Variants in GSE1 observed in about 807,000 individuals in gnomAD.
GSE1 encodes Gse1 coiled-coil protein, also known as genetic suppressor element 1.
Under a neutral mutation model 112.6 loss-of-function variants are expected in GSE1, and 32 were observed. The ratio of observed to expected loss-of-function variants is 0.28; its 90% CI spans 0.21 to 0.38. GSE1 has a LOEUF of 0.38. Ranked by LOEUF, GSE1 falls within the 10% of genes least tolerant of loss-of-function variation. The pLI is 1.00. For missense variants in GSE1, 2,348 were observed against 1,699.2 expected (o/e 1.38, Z -6.71); for synonymous variants, 1,115 against 735.6 (o/e 1.52, Z -8.35).
chr16:85,450,167 G>T (rs1019744262), intron 2 of GSE1, among the ~76,000 whole-genome samples: 1 of 117,120 alleles, frequency 8.5e-6, no homozygotes, highest in Non-Finnish European at 1.6e-5. Flanking sequence ...TGTCGCCCAG[G>T]TTGGAGTGCA....
intron 1 of GSE1, among the ~76,000 whole-genome samples, chr16:85,186,708 T>C (rs1401014734): frequency 2.6e-5 from 4 of 151,944 alleles, no homozygotes; most frequent in African/African-American, 9.7e-5. Flanking sequence ...GAGGCTGCAG[T>C]GAGCTATGAT....
intron 1 of GSE1, among the ~76,000 whole-genome samples, chr16:85,295,307 G>A (rs546618041): frequency 6.0e-4 from 92 of 152,212 alleles, no homozygotes; most frequent in African/African-American, 2.0e-3. Context: ...TCTCTCACTC[G>A]GGACCAGCCT....
chr16:85,631,914 C>T (rs2049568969), intron 1 of GSE1, among the ~76,000 whole-genome samples: 1 of 152,270 alleles, frequency 6.6e-6, no homozygotes, highest in Admixed American at 6.5e-5. Context: ...GCACTGATGG[C>T]AGCCCGGTGC....
chr16:85,379,544 C>T (rs981880633), intron 2 of GSE1, among the ~76,000 whole-genome samples: 2 of 152,216 alleles, frequency 1.3e-5, no homozygotes, highest in African/African-American at 4.8e-5. Context: ...GTGAGCACAG[C>T]TCAGGTCTCC....
intron 1 of GSE1, among the ~76,000 whole-genome samples, chr16:85,342,762 G>T (rs564742152): frequency 6.6e-6 from 1 of 152,150 alleles, no homozygotes; most frequent in Admixed American, 6.5e-5. Flanking sequence ...CCCCAGCCCG[G>T]GACATCAGAG....
chr16:85,357,660 T>C, intron 2 of GSE1: 1 of 1,285,004 alleles, frequency 7.8e-7, no homozygotes, highest in Non-Finnish European at 1.0e-6. Flanking sequence ...GCCAGCTCTT[T>C]TTGTATCTCT....
intron 5 of GSE1, 113 bp downstream of exon 5, chr16:85,655,104 G>A (rs1035136148): frequency 1.4e-6 from 1 of 732,992 alleles, no homozygotes; most frequent in Non-Finnish European, 2.4e-6. Flanking sequence ...CTAGGGGAGG[G>A]TCTAGAGTAG....
At chr16:85,175,247 G>T (rs879361041) in intron 1 of GSE1, among the ~76,000 whole-genome samples, 6 of 152,208 alleles carry the variant, frequency 3.9e-5, no homozygotes, top group Non-Finnish European at 5.9e-5. Context: ...ATGCTCTGCA[G>T]GCACCTGACT....
rs568776401 is a variant in GSE1, at chr16:85,499,295, C to CTTTT, written c.2465-134589_2465-134586dup. ...GTCAGAGAGAAGGCAGGAAAGTCAC[C>CTTTT]TTTTTTTTTTTTTTTTTTTTTTTTT... On this transcript the variant is annotated intron_variant, in intron 2 of 2. Transcript: ENST00000637419. Among the ~76,000 whole-genome samples, 56 of 77,190 alleles carry CTTTT rather than the reference C, an allele frequency of 7.3e-4. 2 individuals carry two copies. Among genetic ancestry groups the CTTTT allele is most frequent in the African/African-American group, 2.5e-3 (48 of 19,504 alleles). The allele number at this position is 77,190 out of a possible 152,430, so 50.6% of individuals were successfully genotyped here.
At chr16:85,600,180 C>A (rs1237194481) in intron 1 of GSE1, among the ~76,000 whole-genome samples, 1 of 152,226 alleles carries the variant, frequency 6.6e-6, no homozygotes, top group Non-Finnish European at 1.5e-5. Context: ...TAAGGTGCCA[C>A]CTTGGGTTAT....
At chr16:85,344,759 A>G (rs2046698329) in intron 1 of GSE1, among the ~76,000 whole-genome samples, 3 of 152,226 alleles carry the variant, frequency 2.0e-5, no homozygotes, top group Non-Finnish European at 4.4e-5. Flanking sequence ...TGAAGCAGGC[A>G]AGGCTGAGTC....
exon 1 of GSE1, chr16:85,169,915 G>A (rs2074330712): frequency 1.0e-6 from 1 of 984,458 alleles, no homozygotes; most frequent in Non-Finnish European, 1.2e-6. Flanking sequence ...CCGCCGTGGC[G>A]GCGCCGGGGC....
At chr16:85,512,345 G>A (rs908727312) in intron 2 of GSE1, among the ~76,000 whole-genome samples, 1 of 152,164 alleles carries the variant, frequency 6.6e-6, no homozygotes, top group African/African-American at 2.4e-5. Flanking sequence ...GACAGCTGTC[G>A]GGCCCCAGGA....
At chr16:85,188,041 G>GGTAC (rs1193870168) in intron 1 of GSE1, among the ~76,000 whole-genome samples, 1 of 152,230 alleles carries the variant, frequency 6.6e-6, no homozygotes, top group East Asian at 1.9e-4. Flanking sequence ...CCTGCAGGGT[G>GGTAC]CTGGGCCCTG....
chr16:85,583,055 CG>C (rs1216273173), intron 1 of GSE1, among the ~76,000 whole-genome samples: 2 of 152,116 alleles, frequency 1.3e-5, no homozygotes, highest in African/African-American at 4.8e-5. Flanking sequence ...CATTCCTCCC[CG>C]CAGGGTACAC....
At chr16:85,557,143 A>T (rs1001993612) in intron 1 of GSE1, among the ~76,000 whole-genome samples, 1 of 152,148 alleles carries the variant, frequency 6.6e-6, no homozygotes, top group Middle Eastern at 3.4e-3. Context: ...GAAGCTGGTG[A>T]TCCAGGAATT....
chr16:85,650,025 C>T (rs536474635), intron 3 of GSE1, among the ~76,000 whole-genome samples: 1 of 152,194 alleles, frequency 6.6e-6, no homozygotes, highest in Non-Finnish European at 1.5e-5. Context: ...TCCTTTCACG[C>T]CTTCCCTGGC....
chr16:85,650,239 G>T (rs572036854), intron 3 of GSE1, among the ~76,000 whole-genome samples: 4 of 152,282 alleles, frequency 2.6e-5, no homozygotes, highest in Non-Finnish European at 5.9e-5. Context: ...TTTGAGGGAG[G>T]CTGAGGGAGT....
At chr16:85,556,396 G>GCGGCGC in intron 1 of GSE1, 1 of 973,182 alleles carries the variant, frequency 1.0e-6, no homozygotes, top group Non-Finnish European at 1.2e-6. Context: ...TGGGTCCCGC[G>GCGGCGC]CGGCGCCGGC....
Sources: gnomAD v4.1 joint callset for allele counts (sites outside exome capture counted in the v4.1 genomes callset) on GRCh38, gnomAD v4.1.1 for gene constraint, MANE v1.5 for transcripts, NCBI Gene and HGNC (gene_info 2026-07-23, HGNC 2026-07-21) for gene names.